Variants in MIR2052HG observed in about 807,000 individuals in gnomAD.
The protein encoded by MIR2052HG is MIR2052 host gene.
chr8:74,613,895 G>C (rs1395476367), intron 2 of MIR2052HG, among the ~76,000 whole-genome samples: 2 of 152,154 alleles, frequency 1.3e-5, no homozygotes, highest in African/African-American at 4.8e-5. Context: ...CATGAATTAG[G>C]TGTATTTTGG....
In MIR2052HG at chr8:74,685,444, GCTT is replaced by G. The variant is rs148987101; in HGVS notation, n.217-16931_217-16929del. ...CTACAAAGGAAACAGTAGAATTTTG[GCTT>G]CTTGTAATTTTCCTTTGAAAATGTT... On this transcript the variant is annotated intron_variant and non_coding_transcript_variant, in intron 2 of 6. Transcript: ENST00000523442. 5.3e-5 allele frequency among the ~76,000 whole-genome samples: 8 copies of G among 152,152 alleles called. No homozygotes were observed. In the East Asian group the frequency reaches 9.7e-4, roughly 18 times the overall value.
At chr8:74,675,447 G>T (rs1809040523) in intron 2 of MIR2052HG, among the ~76,000 whole-genome samples, 1 of 151,950 alleles carries the variant, frequency 6.6e-6, no homozygotes, top group Non-Finnish European at 1.5e-5. Flanking sequence ...GTATGAATGG[G>T]TTATATGCCA....
chr8:74,607,323 C>A (rs1808126457), intron 1 of MIR2052HG, among the ~76,000 whole-genome samples: 1 of 152,052 alleles, frequency 6.6e-6, no homozygotes, highest in Non-Finnish European at 1.5e-5. Flanking sequence ...AAAAAATACA[C>A]ATAACAGGCC....
At chr8:74,693,412 G>C (rs865792637) in intron 2 of MIR2052HG, among the ~76,000 whole-genome samples, 1 of 152,082 alleles carries the variant, frequency 6.6e-6, no homozygotes, top group Non-Finnish European at 1.5e-5. Context: ...CTAATGTGAA[G>C]TTTCCTGGAT....
intron 1 of MIR2052HG, among the ~76,000 whole-genome samples, chr8:74,602,817 G>GTTTCTTTCTTTCTTTCTTTTCTTTC (rs1808024026): frequency 2.7e-5 from 2 of 73,786 alleles, no homozygotes; most frequent in Non-Finnish European, 5.1e-5. Flanking sequence ...GCCCGGCCGT[G>GTTTCTTTCTTTCTTTCTTTTCTTTC]TTTCTTTCTT....
intron 2 of MIR2052HG, among the ~76,000 whole-genome samples, chr8:74,684,919 T>C (rs1047459356): frequency 2.0e-5 from 3 of 152,044 alleles, no homozygotes; most frequent in Non-Finnish European, 4.4e-5. Context: ...TGAATGACAA[T>C]GGAGGTGTGG....
rs58455200 is a variant in MIR2052HG at position 74,602,817 on chromosome 8, GTTTCTTTC to G, written n.128+2961_128+2968del. Among the ~76,000 whole-genome samples, 247 of 73,844 alleles carry G rather than the reference GTTTCTTTC, an allele frequency of 3.3e-3. 2 individuals are homozygous for G. Among genetic ancestry groups the G allele is most frequent in the South Asian group, 0.012 (29 of 2,406 alleles). 48.4% of individuals were successfully genotyped at this position (73,844 alleles called of 152,430 possible). On this transcript the variant is annotated intron_variant and non_coding_transcript_variant, in intron 1 of 6. Transcript: ENST00000523442. ...GATGTGAGCTGCCATGCCCGGCCGT[GTTTCTTTC>G]TTTCTTTCTTTCTTTCTTTCTTTCT...
At chr8:74,742,050 A>T (rs1279111479) in intron 4 of MIR2052HG, among the ~76,000 whole-genome samples, 2 of 152,166 alleles carry the variant, frequency 1.3e-5, no homozygotes, top group Non-Finnish European at 2.9e-5. Context: ...TTTTTTAAGT[A>T]AGTGAATTCA....
intron 1 of MIR2052HG, among the ~76,000 whole-genome samples, chr8:74,609,445 C>T (rs1189032654): frequency 1.3e-5 from 2 of 151,710 alleles, no homozygotes; most frequent in Admixed American, 6.6e-5. Flanking sequence ...ACCAATTATA[C>T]GATGCCAGCA....
intron 4 of MIR2052HG, among the ~76,000 whole-genome samples, chr8:74,706,840 CG>C (rs1468196169): frequency 2.6e-5 from 4 of 151,840 alleles, no homozygotes; most frequent in Admixed American, 1.3e-4. Flanking sequence ...AGCTTCTTGG[CG>C]GGGAAGGGCA....
intron 2 of MIR2052HG, among the ~76,000 whole-genome samples, chr8:74,685,735 C>T (rs550709040): frequency 6.6e-6 from 1 of 152,100 alleles, no homozygotes; most frequent in African/African-American, 2.4e-5. Flanking sequence ...AAAAATGTAT[C>T]ACATTATTTT....
chr8:74,604,139 C>G, intron 1 of MIR2052HG: 3 of 889,204 alleles, frequency 3.4e-6, no homozygotes, highest in Non-Finnish European at 5.8e-6. Context: ...ATCTTCTTAA[C>G]TGATTCTCCT....
At position 74,633,719 on chromosome 8, in the gene MIR2052HG, G is replaced by A. The variant is rs539179909; in HGVS notation, n.216+20779G>A. ...TGCACTCAGCATTGATGCTGAGTAC[G>A]CTAAAGATAGTAACTTAGTTCTAGG... On this transcript the variant is annotated intron_variant and non_coding_transcript_variant, in intron 2 of 6. Coordinates refer to ENST00000523442, the Ensembl canonical transcript of MIR2052HG. 4.6e-5 allele frequency among the ~76,000 whole-genome samples: 7 copies of A among 152,274 alleles called. No homozygotes were observed. In the East Asian group the frequency reaches 1.4e-3, roughly 29 times the overall value.
intron 4 of MIR2052HG, among the ~76,000 whole-genome samples, chr8:74,722,687 A>G (rs141061242): frequency 6.6e-6 from 1 of 152,342 alleles, no homozygotes; most frequent in Non-Finnish European, 1.5e-5. Context: ...TCAATATCTT[A>G]ATTACGACCA....
intron 1 of MIR2052HG, among the ~76,000 whole-genome samples, chr8:74,608,245 G>A (rs1014993220): frequency 1.3e-5 from 2 of 152,066 alleles, no homozygotes; most frequent in Non-Finnish European, 2.9e-5. Flanking sequence ...TATAGGGAGT[G>A]TCTGGGGAAG....
intron 2 of MIR2052HG, among the ~76,000 whole-genome samples, chr8:74,673,909 A>G (rs925899501): frequency 1.4e-5 from 2 of 141,404 alleles, no homozygotes; most frequent in Non-Finnish European, 3.0e-5. Context: ...ATATATATAT[A>G]TACACACACA....
chr8:74,614,383 T>C (rs941654569), intron 2 of MIR2052HG, among the ~76,000 whole-genome samples: 1 of 152,216 alleles, frequency 6.6e-6, no homozygotes, highest in African/African-American at 2.4e-5. Context: ...AAGACAGTGA[T>C]TTGATTTTTG....
chr8:74,614,461 T>A (rs1211458165), intron 2 of MIR2052HG, among the ~76,000 whole-genome samples: 3 of 152,190 alleles, frequency 2.0e-5, no homozygotes, highest in Non-Finnish European at 4.4e-5. Flanking sequence ...TTTTAAATTC[T>A]CAACTTATTG....
At chr8:74,693,024 G>A (rs1353162266) in intron 2 of MIR2052HG, among the ~76,000 whole-genome samples, 4 of 152,124 alleles carry the variant, frequency 2.6e-5, no homozygotes, top group Admixed American at 2.0e-4. Context: ...AAGCTGAGAG[G>A]GAGCACATTT....
Sources: allele counts gnomAD v4.1 joint callset (sites outside exome capture counted in the v4.1 genomes callset), GRCh38; gene constraint gnomAD v4.1.1; transcripts MANE v1.5; gene names NCBI Gene and HGNC (gene_info 2026-07-23, HGNC 2026-07-21).